The following WWOX variants were observed in gnomAD, a reference collection of about 807,000 sequenced individuals.
WWOX encodes WW domain containing oxidoreductase, also known as WW domain-containing oxidoreductase.
WWOX carries 69 observed loss-of-function variants against 46.2 expected under a neutral mutation model. The ratio of observed to expected loss-of-function variants is 1.49; its 90% CI spans 1.23 to 1.82. The LOEUF (loss-of-function observed/expected upper bound fraction) is 1.82, where lower values mean the gene tolerates loss of function less well. Ranked by LOEUF, WWOX falls within the 40% of genes most tolerant of loss-of-function variation. The pLI, the probability that WWOX is intolerant of heterozygous loss-of-function variation, is 0.00. For missense variants in WWOX, 919 were observed against 542.6 expected, an observed-to-expected ratio of 1.69 and a Z score of -6.89; for synonymous variants, 359 against 202.6, an observed-to-expected ratio of 1.77 and a Z score of -6.56.
chr16:78,246,329 C>T (rs183584280), intron 5 of WWOX, among the ~76,000 whole-genome samples: 66 of 152,298 alleles, frequency 4.3e-4, no homozygotes, highest in African/African-American at 1.5e-3. Flanking sequence ...TCCCTTCATA[C>T]ATATACTAAC....
At chr16:78,510,547 C>G (rs1036927544) in intron 8 of WWOX, among the ~76,000 whole-genome samples, 1 of 152,134 alleles carries the variant, frequency 6.6e-6, no homozygotes, top group Non-Finnish European at 1.5e-5. Flanking sequence ...AAGTATCAAG[C>G]AATACTTACA....
chr16:78,861,077 C>T (rs777996021), intron 8 of WWOX, among the ~76,000 whole-genome samples: 31 of 152,142 alleles, frequency 2.0e-4, no homozygotes, highest in African/African-American at 6.8e-4. Context: ...GCCTTGGCCT[C>T]CCAAAGTGTT....
intron 8 of WWOX, among the ~76,000 whole-genome samples, chr16:79,159,373 T>C (rs1339789492): frequency 6.6e-6 from 1 of 152,228 alleles, no homozygotes; most frequent in Non-Finnish European, 1.5e-5. Flanking sequence ...AAGTACTGGC[T>C]AGATGAATGG....
rs10639685 is a variant in WWOX at position 78,141,430 on chromosome 16, C to CTTT, written c.410-22736_410-22734dup. Among the ~76,000 whole-genome samples, 820 of 118,888 alleles carry CTTT rather than the reference C, an allele frequency of 6.9e-3. 26 individuals are homozygous for CTTT. The highest frequency in any genetic ancestry group is 0.035 in the East Asian group (143 of 4,056). 78.0% of individuals were successfully genotyped at this position (118,888 alleles called of 152,430 possible). Reference sequence around the variant, plus strand: ...GGATGTCAACCCCACCATCCCCCTTCTTTTTTTTTTTTTTTTTTTGCATCC... The same window carrying CTTT: ...GGATGTCAACCCCACCATCCCCCTTCTTTTTTTTTTTTTTTTTTTTTTGCATCC... On this transcript the variant is annotated intron_variant, in intron 4 of 8. Transcript: ENST00000566780.
intron 5 of WWOX, among the ~76,000 whole-genome samples, chr16:78,380,473 G>T (rs574677680): frequency 1.3e-5 from 2 of 152,196 alleles, no homozygotes; most frequent in East Asian, 1.9e-4. Flanking sequence ...TTTTGAGATG[G>T]CTTTTATCAT....
At chr16:78,473,798 G>A (rs1417858782) in intron 8 of WWOX, among the ~76,000 whole-genome samples, 1 of 152,094 alleles carries the variant, frequency 6.6e-6, no homozygotes, top group Non-Finnish European at 1.5e-5. Flanking sequence ...TCCCCTGAAT[G>A]CCAACAAGAG....
chr16:79,033,017 GT>G (rs1355589230), intron 8 of WWOX, among the ~76,000 whole-genome samples: 1 of 151,302 alleles, frequency 6.6e-6, no homozygotes, highest in African/African-American at 2.4e-5. Flanking sequence ...AGAACATATG[GT>G]ATTTGCATTT....
chr16:78,912,796 G>C (rs745340587), intron 8 of WWOX, among the ~76,000 whole-genome samples: 1 of 151,972 alleles, frequency 6.6e-6, no homozygotes, highest in Non-Finnish European at 1.5e-5. Context: ...GCCAATAAGG[G>C]AGGCTGAGAG....
intron 8 of WWOX, among the ~76,000 whole-genome samples, chr16:78,955,844 A>C (rs113479060): frequency 6.6e-6 from 1 of 151,562 alleles, no homozygotes; most frequent in African/African-American, 2.4e-5. Flanking sequence ...AGGTCTCACT[A>C]TGTTTCCCAG....
chr16:79,050,266 C>G (rs1197497034), intron 8 of WWOX, among the ~76,000 whole-genome samples: 1 of 152,154 alleles, frequency 6.6e-6, no homozygotes, highest in East Asian at 1.9e-4. Flanking sequence ...GCTTGTTTTG[C>G]TCCTGCATCT....
chr16:78,645,264 C>G (rs758059944), intron 8 of WWOX, among the ~76,000 whole-genome samples: 6 of 152,092 alleles, frequency 3.9e-5, no homozygotes, highest in Non-Finnish European at 7.4e-5. Context: ...AGTATAAATG[C>G]TCCTTTCTCA....
intron 5 of WWOX, among the ~76,000 whole-genome samples, chr16:78,251,205 G>A (rs1437687289): frequency 1.3e-5 from 2 of 152,176 alleles, no homozygotes; most frequent in Non-Finnish European, 2.9e-5. Context: ...CTGTTAGGAG[G>A]AGGAGGAAGC....
intron 4 of WWOX, among the ~76,000 whole-genome samples, chr16:78,161,568 T>G (rs1250608457): frequency 6.6e-6 from 1 of 152,182 alleles, no homozygotes; most frequent in Non-Finnish European, 1.5e-5. Flanking sequence ...GACATCAGCC[T>G]TCTGAGTAGC....
chr16:78,963,512 G>T (rs2046310607), intron 8 of WWOX, among the ~76,000 whole-genome samples: 1 of 152,140 alleles, frequency 6.6e-6, no homozygotes, highest in African/African-American at 2.4e-5. Flanking sequence ...ATAAGTTGCA[G>T]ACAGCAGTCG....
At position 78,937,584 on chromosome 16, in the gene WWOX, C is replaced by T. The variant is rs190051578; in HGVS notation, c.1057-274024C>T. Reference sequence around the variant, plus strand: ...TGCTGCGATTACAGGCATCTGCCACCGTGCCCAGCTATAGAGCTTTATTTA... The same window carrying T: ...TGCTGCGATTACAGGCATCTGCCACTGTGCCCAGCTATAGAGCTTTATTTA... On this transcript the variant is annotated intron_variant, in intron 8 of 8. Transcript: ENST00000566780. Among the ~76,000 whole-genome samples the T allele has an allele frequency of 3.4e-4, 51 of 149,194 alleles. No homozygotes were observed. The East Asian group carries it at 4.7e-3, about 14-fold the overall frequency.
chr16:78,624,270 A>C (rs1228150597), intron 8 of WWOX, among the ~76,000 whole-genome samples: 1 of 143,134 alleles, frequency 7.0e-6, no homozygotes, highest in South Asian at 2.2e-4. Context: ...CCCCAGCATT[A>C]TGTGGTAAAG....
At chr16:79,211,159 C>G (rs906284115) in intron 8 of WWOX, among the ~76,000 whole-genome samples, 1 of 152,050 alleles carries the variant, frequency 6.6e-6, no homozygotes, top group African/African-American at 2.4e-5. Context: ...GGTTTTCTAC[C>G]TGATGGACCA....
chr16:78,901,978 G>C (rs140725772), intron 8 of WWOX, among the ~76,000 whole-genome samples: 88 of 152,338 alleles, frequency 5.8e-4, no homozygotes, highest in African/African-American at 2.0e-3. Context: ...GTATTTCTAA[G>C]TGGCAGATTT....
In WWOX at chr16:78,985,341, G is replaced by T. The variant is rs192242245; in HGVS notation, c.1057-226267G>T. On this transcript the variant is annotated intron_variant, in intron 8 of 8. Coordinates refer to ENST00000566780, the MANE Select transcript of WWOX (RefSeq NM_016373.4). Reference sequence around the variant, plus strand: ...AATCTGTGCCACCGGCACGCAGGGTGTTGTGTTGTCTCCAATGTGCCTTGT... The same window carrying T: ...AATCTGTGCCACCGGCACGCAGGGTTTTGTGTTGTCTCCAATGTGCCTTGT... Among the ~76,000 whole-genome samples, 228 of 152,344 alleles carry T rather than the reference G, an allele frequency of 1.5e-3. 1 individual carries two copies. Among genetic ancestry groups the T allele is most frequent in the Non-Finnish European group, 2.7e-3 (185 of 68,046 alleles).
Sources: gnomAD v4.1 joint callset for allele counts (sites outside exome capture counted in the v4.1 genomes callset) on GRCh38, gnomAD v4.1.1 for gene constraint, MANE v1.5 for transcripts, NCBI Gene and HGNC (gene_info 2026-07-23, HGNC 2026-07-21) for gene names.